Variants in TOGARAM1 observed in about 807,000 individuals in gnomAD.
TOGARAM1 encodes TOG array regulator of axonemal microtubules protein 1.
A neutral mutation model predicts 166.6 loss-of-function variants in TOGARAM1; 100 were observed. The observed-to-expected ratio is 0.60, with a 90% CI of 0.51 to 0.71. The LOEUF is 0.71. Among genes scored for constraint, TOGARAM1 ranks in the 30% least tolerant of loss-of-function variants. The pLI is 0.00. For synonymous variants in TOGARAM1, 758 were observed against 763.8 expected (o/e 0.99, Z 0.13); for missense variants, 2,029 against 2,102.7 (o/e 0.96, Z 0.69).
intron 1 of TOGARAM1, among the ~76,000 whole-genome samples, chr14:44,983,799 A>G (rs376691666): frequency 1.3e-5 from 2 of 152,234 alleles, no homozygotes; most frequent in South Asian, 2.1e-4. Context: ...ATTGTGATGC[A>G]TGAAGAGTTT....
chr14:45,031,596 ACTT>A (rs1881159179), intron 10 of TOGARAM1, among the ~76,000 whole-genome samples: 1 of 152,190 alleles, frequency 6.6e-6, no homozygotes, highest in Non-Finnish European at 1.5e-5. Context: ...GGATCGTACT[ACTT>A]CTTTTGCTTT....
At chr14:44,973,616 A>C (rs552398292) in intron 1 of TOGARAM1, among the ~76,000 whole-genome samples, 57 of 150,612 alleles carry the variant, frequency 3.8e-4, no homozygotes, top group East Asian at 9.7e-4. Flanking sequence ...ATATATATAT[A>C]TCTCTCTCCA....
rs762641369 is a variant in TOGARAM1, at chr14:45,009,014, G to A, written c.3006G>A (p.Lys1002=). 17 of 1,614,012 alleles carry A rather than the reference G, an allele frequency of 1.1e-5. No homozygotes were observed. The highest frequency in any genetic ancestry group is 1.4e-5 in the Non-Finnish European group (17 of 1,180,002). Residue 1002 remains lysine (K), a synonymous_variant, in exon 6 of 20, where the codon AAG becomes AAA. Transcript: ENST00000361462. ...TTGAAAGCCCTGATTCTGCAATGAA[G>A]CTCGACTTGACGATGGACTCCCCGT... ...SDLESPDSAM[K]LDLTMDSPSL...
chr14:45,058,364 A>G (rs1209927530), intron 16 of TOGARAM1, among the ~76,000 whole-genome samples: 1 of 150,470 alleles, frequency 6.6e-6, no homozygotes, highest in African/African-American at 2.5e-5. Flanking sequence ...GCACAATCTC[A>G]GTTCACTGCA....
rs747086568 is a variant in TOGARAM1, at chr14:45,008,948, A to C, written c.2940A>C (p.Ala980=). The C allele has an allele frequency of 4.5e-5, 73 of 1,613,964 alleles. No homozygotes were observed. The highest frequency in any genetic ancestry group is 6.0e-5 in the Non-Finnish European group (71 of 1,179,982). Residue 980 remains alanine, a synonymous_variant, in exon 6 of 20, where the codon GCA becomes GCC. Coordinates refer to ENST00000361462, the MANE Select transcript of TOGARAM1 (RefSeq NM_001308120.2). The part of the protein sequence containing the change: ...HSSLRSLRNS[A]AKKRAKLSGS... ...CTCTTAGGTCCCTTCGTAATAGTGC[A>C]GCTAAGAAAAGAGCAAAACTGAGTG...
intron 1 of TOGARAM1, among the ~76,000 whole-genome samples, chr14:44,975,987 A>G (rs1210478883): frequency 6.6e-6 from 1 of 152,062 alleles, no homozygotes; most frequent in African/African-American, 2.4e-5. Context: ...AGCCCTGTTT[A>G]TAGATTTTTT....
At chr14:44,999,057 C>T (rs1430441249) in intron 2 of TOGARAM1, among the ~76,000 whole-genome samples, 1 of 152,120 alleles carries the variant, frequency 6.6e-6, no homozygotes, top group Non-Finnish European at 1.5e-5. Context: ...AGAAAGCAAG[C>T]CAGGTCTGGA....
intron 6 of TOGARAM1, among the ~76,000 whole-genome samples, chr14:45,010,999 T>C (rs1879753759): frequency 6.6e-6 from 1 of 152,226 alleles, no homozygotes; most frequent in South Asian, 2.1e-4. Flanking sequence ...TACTGAGAAT[T>C]GTACTTCTTT....
chr14:44,999,949 C>T (rs908319505), intron 3 of TOGARAM1, among the ~76,000 whole-genome samples: 3 of 152,116 alleles, frequency 2.0e-5, no homozygotes, highest in African/African-American at 7.2e-5. Context: ...CCTTATTGTG[C>T]TATACTGAGC....
At chr14:45,061,012 A>AT (rs1304063447) in intron 16 of TOGARAM1, among the ~76,000 whole-genome samples, 1 of 152,158 alleles carries the variant, frequency 6.6e-6, no homozygotes, top group African/African-American at 2.4e-5. Context: ...CCACTGAGAG[A>AT]TTTTGCCTAC....
intron 13 of TOGARAM1, among the ~76,000 whole-genome samples, chr14:45,045,684 C>T (rs28567005): frequency 0.049 from 4,313 of 87,280 alleles, 379 homozygotes; most frequent in African/African-American, 0.29. Flanking sequence ...TATATATACA[C>T]ATATATACAC....
Position 45,054,562 on chromosome 14 carries a change from A to G in TOGARAM1, c.4559+13A>G, listed in dbSNP as rs375247543. ...ATTCAGCTGAAAGGTAAGATGATGTAATAGTCCTCATCAGAGAAATTACTC... is the reference window on the plus strand; with the variant it reads ...ATTCAGCTGAAAGGTAAGATGATGTGATAGTCCTCATCAGAGAAATTACTC... On this transcript the variant is annotated intron_variant, in intron 16 of 19. Coordinates refer to ENST00000361462, the MANE Select transcript of TOGARAM1 (RefSeq NM_001308120.2). The G allele has an allele frequency of 2.0e-5, 31 of 1,537,108 alleles. No individual in the cohort carries two copies. In the African/African-American group the frequency reaches 4.0e-4, roughly 20 times the overall value.
chr14:45,027,126 T>A (rs1056818590), intron 8 of TOGARAM1, among the ~76,000 whole-genome samples, 173 bp from the exon 9 acceptor site: 1 of 152,210 alleles, frequency 6.6e-6, no homozygotes, highest in African/African-American at 2.4e-5. Flanking sequence ...TGCCACCTCT[T>A]ATATTAATGC....
In TOGARAM1 at chr14:45,008,949, G is replaced by T; in HGVS notation, c.2941G>T (p.Ala981Ser). The T allele has an allele frequency of 6.2e-7, 1 of 1,614,016 alleles. No individual in the cohort carries two copies. Residue 981 changes from alanine to serine, a missense_variant, in exon 6 of 20, where the codon GCT becomes TCT. Coordinates refer to ENST00000361462, the MANE Select transcript of TOGARAM1 (RefSeq NM_001308120.2). Reference protein sequence around the residue: ...SSLRSLRNSAAKKRAKLSGST... With the variant: ...SSLRSLRNSASKKRAKLSGST... Reference sequence around the variant, plus strand: ...TCTTAGGTCCCTTCGTAATAGTGCAGCTAAGAAAAGAGCAAAACTGAGTGG... The same window carrying T: ...TCTTAGGTCCCTTCGTAATAGTGCATCTAAGAAAAGAGCAAAACTGAGTGG...
Position 45,052,417 on chromosome 14 carries a change from G to C in TOGARAM1, c.4314-19G>C, listed in dbSNP as rs763454458. On this transcript the variant is annotated intron_variant, in intron 14 of 19. Transcript: ENST00000361462. Reference sequence around the variant, plus strand: ...TTAATGTCTAAAAAGTAATATACCTGTTTTTCAAATACTCACAGGTATTAT... The same window carrying C: ...TTAATGTCTAAAAAGTAATATACCTCTTTTTCAAATACTCACAGGTATTAT... The C allele has an allele frequency of 1.2e-6, 2 of 1,600,302 alleles. No homozygotes were observed. Among genetic ancestry groups the C allele is most frequent in the Non-Finnish European group, 1.7e-6 (2 of 1,171,470 alleles).
intron 18 of TOGARAM1, among the ~76,000 whole-genome samples, chr14:45,069,838 C>T (rs1883298726): frequency 6.6e-6 from 1 of 152,058 alleles, no homozygotes; most frequent in African/African-American, 2.4e-5. Context: ...CCATGGAATA[C>T]TACTTAATAA....
rs1355993365 is a variant in TOGARAM1, at chr14:45,068,655, T to C, written c.4969+12T>C. 3 of 1,545,076 alleles carry C rather than the reference T, an allele frequency of 1.9e-6. No homozygotes were observed. On this transcript the variant is annotated intron_variant, in intron 18 of 19. Coordinates refer to ENST00000361462, the MANE Select transcript of TOGARAM1 (RefSeq NM_001308120.2). ...GAGTCAGCATGTAGGTAAGAAATCT[T>C]ACTTCGGCACTCAAATTATTTTCAC...
intron 7 of TOGARAM1, chr14:45,022,945 CAT>C (rs1316046118): frequency 6.6e-6 from 1 of 152,138 alleles, no homozygotes; most frequent in Non-Finnish European, 1.5e-5. Flanking sequence ...CCTTTCTCTC[CAT>C]ATTGCTGCGT....
At chr14:45,035,168 T>A (rs1881359000) in intron 11 of TOGARAM1, among the ~76,000 whole-genome samples, 1 of 152,104 alleles carries the variant, frequency 6.6e-6, no homozygotes, top group African/African-American at 2.4e-5. Context: ...CAATGAAGCC[T>A]GACCAATAAG....
Sources: gnomAD v4.1 joint callset for allele counts (sites outside exome capture counted in the v4.1 genomes callset) on GRCh38, gnomAD v4.1.1 for gene constraint, MANE v1.5 for transcripts, NCBI Gene and HGNC (gene_info 2026-07-23, HGNC 2026-07-21) for gene names.